The following NKAIN2 variants were observed in gnomAD, a reference collection of about 807,000 sequenced individuals.
The protein encoded by NKAIN2 is sodium/potassium transporting ATPase interacting 2.
NKAIN2 carries 14 observed loss-of-function variants against 32.6 expected under a neutral mutation model. The ratio of observed to expected loss-of-function variants is 0.43; its 90% confidence interval spans 0.28 to 0.67. The LOEUF (loss-of-function observed/expected upper bound fraction) is 0.67, where lower values mean the gene tolerates loss of function less well. Among genes scored for constraint, NKAIN2 ranks in the 30% least tolerant of loss-of-function variants. NKAIN2 has a pLI of 0.17. For synonymous variants in NKAIN2, 80 were observed against 87.2 expected (o/e 0.92, Z 0.46); for missense variants, 198 against 258.3 (o/e 0.77, Z 1.60).
At chr6:124,599,937 C>T (rs545615070) in intron 3 of NKAIN2, among the ~76,000 whole-genome samples, 11 of 152,186 alleles carry the variant, frequency 7.2e-5, no homozygotes, top group African/African-American at 2.6e-4. Context: ...TGCAGAGCAT[C>T]AAATAGCCTG....
chr6:124,800,941 T>A (rs1227545557), intron 5 of NKAIN2, among the ~76,000 whole-genome samples: 1 of 152,218 alleles, frequency 6.6e-6, no homozygotes, highest in Admixed American at 6.5e-5. Context: ...GGATATGGAT[T>A]GCTGCCTTTG....
chr6:124,272,805 C>A (rs1366156892), intron 1 of NKAIN2, among the ~76,000 whole-genome samples: 2 of 152,166 alleles, frequency 1.3e-5, no homozygotes, highest in Non-Finnish European at 2.9e-5. Flanking sequence ...GCCTTGGGAG[C>A]CCACCCCTCG....
At chr6:124,128,742 T>C (rs755066789) in intron 1 of NKAIN2, among the ~76,000 whole-genome samples, 5 of 152,238 alleles carry the variant, frequency 3.3e-5, no homozygotes, top group Non-Finnish European at 7.3e-5. Context: ...CATACATTTA[T>C]TCCTGTATGT....
At chr6:124,180,104 A>G (rs920089832) in intron 1 of NKAIN2, among the ~76,000 whole-genome samples, 63 of 151,986 alleles carry the variant, frequency 4.1e-4, no homozygotes, top group African/African-American at 1.4e-3. Context: ...GCAAATAGAT[A>G]TCTACTGTGT....
chr6:124,719,919 T>C (rs1775933953), intron 4 of NKAIN2, among the ~76,000 whole-genome samples: 1 of 152,146 alleles, frequency 6.6e-6, no homozygotes, highest in Non-Finnish European at 1.5e-5. Context: ...TACAAGTTAA[T>C]CAAATAGCAG....
chr6:124,144,878 G>T (rs1353195993), intron 1 of NKAIN2, among the ~76,000 whole-genome samples: 1 of 151,940 alleles, frequency 6.6e-6, no homozygotes, highest in Non-Finnish European at 1.5e-5. Context: ...ACCACAAAGA[G>T]GTCTACAAAG....
chr6:124,528,698 A>G (rs972135475), intron 3 of NKAIN2, among the ~76,000 whole-genome samples: 3 of 152,242 alleles, frequency 2.0e-5, no homozygotes, highest in African/African-American at 7.2e-5. Flanking sequence ...ACAAGTATGT[A>G]AAAATCCTTA....
intron 4 of NKAIN2, among the ~76,000 whole-genome samples, chr6:124,734,071 AC>A (rs1776818969): frequency 6.6e-6 from 1 of 151,194 alleles, no homozygotes; most frequent in Non-Finnish European, 1.5e-5. Flanking sequence ...GCACACACAC[AC>A]ACACACACAC....
At chr6:124,081,487 T>C (rs996891046) in intron 1 of NKAIN2, among the ~76,000 whole-genome samples, 13 of 152,134 alleles carry the variant, frequency 8.5e-5, no homozygotes, top group African/African-American at 3.1e-4. Flanking sequence ...AATGGTATTA[T>C]CTTTAGAATG....
intron 1 of NKAIN2, among the ~76,000 whole-genome samples, chr6:123,841,802 T>C (rs1582631978): frequency 1.3e-5 from 2 of 152,260 alleles, no homozygotes; most frequent in Middle Eastern, 3.4e-3. Context: ...ACAGTAGCAA[T>C]AGTCAAGGGA....
intron 4 of NKAIN2, among the ~76,000 whole-genome samples, chr6:124,672,758 A>G (rs1218403847): frequency 1.3e-5 from 2 of 152,082 alleles, no homozygotes; most frequent in African/African-American, 4.8e-5. Context: ...AGAGGATTCA[A>G]CATCTCAGAT....
At chr6:124,037,453 T>C (rs562728173) in intron 1 of NKAIN2, among the ~76,000 whole-genome samples, 1 of 152,242 alleles carries the variant, frequency 6.6e-6, no homozygotes, top group East Asian at 1.9e-4. Context: ...CATATGTCAT[T>C]TTTTTCTGTC....
intron 1 of NKAIN2, among the ~76,000 whole-genome samples, chr6:123,949,580 C>T (rs2114579262): frequency 6.6e-6 from 1 of 151,702 alleles, no homozygotes; most frequent in East Asian, 1.9e-4. Flanking sequence ...ATGAGATTGC[C>T]TTCTTGATTT....
At chr6:124,537,782 A>G (rs746429802) in intron 3 of NKAIN2, among the ~76,000 whole-genome samples, 3 of 151,970 alleles carry the variant, frequency 2.0e-5, no homozygotes, top group Non-Finnish European at 2.9e-5. Flanking sequence ...TGCCTTTTGA[A>G]TATTTTCTTT....
chr6:124,712,665 C>T (rs1468494218), intron 4 of NKAIN2, among the ~76,000 whole-genome samples: 3 of 151,586 alleles, frequency 2.0e-5, no homozygotes, highest in African/African-American at 4.9e-5. Flanking sequence ...AATGCCTGGC[C>T]CTGCTTCGGC....
intron 2 of NKAIN2, among the ~76,000 whole-genome samples, chr6:124,312,179 AAC>A (rs1214575525): frequency 4.6e-5 from 7 of 152,272 alleles, no homozygotes; most frequent in Non-Finnish European, 7.4e-5. Context: ...GAGTGAAAAA[AAC>A]ACAAACTTTA....
chr6:124,644,558 C>T (rs1281895519), intron 3 of NKAIN2, among the ~76,000 whole-genome samples: 2 of 152,076 alleles, frequency 1.3e-5, no homozygotes, highest in African/African-American at 4.8e-5. Flanking sequence ...GCATGTGGCA[C>T]CACGCCCAGC....
At chr6:123,914,928 G>T (rs979294131) in intron 1 of NKAIN2, among the ~76,000 whole-genome samples, 1 of 152,130 alleles carries the variant, frequency 6.6e-6, no homozygotes, top group Non-Finnish European at 1.5e-5. Flanking sequence ...AAATCAGCCT[G>T]CCTCACAAGG....
At chr6:124,229,407 A>G (rs1310068829) in intron 1 of NKAIN2, among the ~76,000 whole-genome samples, 1 of 152,200 alleles carries the variant, frequency 6.6e-6, no homozygotes, top group African/African-American at 2.4e-5. Flanking sequence ...GGAAGAAGTT[A>G]TCTCATAATG....
Sources: gnomAD v4.1 joint callset for allele counts (sites outside exome capture counted in the v4.1 genomes callset) on GRCh38, gnomAD v4.1.1 for gene constraint, MANE v1.5 for transcripts, NCBI Gene and HGNC (gene_info 2026-07-23, HGNC 2026-07-21) for gene names.